PLCG2: variants seen among roughly 807,000 people sequenced by gnomAD.
PLCG2 encodes 1-phosphatidylinositol 4,5-bisphosphate phosphodiesterase gamma-2.
PLCG2 carries 69 observed loss-of-function variants against 175.6 expected under a neutral mutation model. The ratio of observed to expected loss-of-function variants is 0.39; its 90% CI spans 0.32 to 0.48. The LOEUF (loss-of-function observed/expected upper bound fraction) is 0.48, where lower values mean the gene tolerates loss of function less well. Ranked by LOEUF, PLCG2 falls within the 20% of genes least tolerant of loss-of-function variation. PLCG2 has a pLI of 0.91. For missense variants in PLCG2, 1,798 were observed against 1,650.9 expected (o/e 1.09, Z -1.54); for synonymous variants, 827 against 624.0 (o/e 1.33, Z -4.85).
In PLCG2 at chr16:81,937,837, G is replaced by A. The variant is rs369077109; in HGVS notation, c.3132G>A (p.Arg1044=). The change falls in exon 28 of 33, where the codon AGG becomes AGA. Residue 1044 remains arginine (R), a synonymous_variant. Coordinates refer to ENST00000564138, the MANE Select transcript of PLCG2 (RefSeq NM_002661.5). ...ACGTTCTGCAGCCTGAGAGCATGAGGACAGAGAAATATGACCCGATGCCAC... is the reference window on the plus strand; with the variant it reads ...ACGTTCTGCAGCCTGAGAGCATGAGAACAGAGAAATATGACCCGATGCCAC... ...TGYVLQPESM[R]TEKYDPMPPE... is the part of the protein sequence containing the mutation. 1.5e-5 allele frequency: 24 copies of A among 1,613,986 alleles called. No individual in the cohort carries two copies. The African/African-American group carries it at 2.7e-4, about 18-fold the overall frequency.
chr16:81,822,772 A>AAAAAAAG (rs1904860118), intron 2 of PLCG2, among the ~76,000 whole-genome samples: 1 of 151,054 alleles, frequency 6.6e-6, no homozygotes, highest in Admixed American at 6.6e-5. Context: ...AAAAAAAAAA[A>AAAAAAAG]AAAAAAAAAG....
At chr16:81,854,194 A>T (rs1157950695) in intron 2 of PLCG2, among the ~76,000 whole-genome samples, 1 of 152,214 alleles carries the variant, frequency 6.6e-6, no homozygotes, top group Non-Finnish European at 1.5e-5. Flanking sequence ...TCTGAGAAAC[A>T]GGGTGAGCGG....
chr16:81,743,929 G>A (rs1443427573), intron 1 of PLCG2, among the ~76,000 whole-genome samples: 1 of 151,782 alleles, frequency 6.6e-6, no homozygotes, highest in African/African-American at 2.4e-5. Flanking sequence ...TACGATCTTG[G>A]CTCACTGCAA....
At chr16:81,860,878 G>A (rs1399200668) in intron 5 of PLCG2, among the ~76,000 whole-genome samples, 1 of 152,108 alleles carries the variant, frequency 6.6e-6, no homozygotes, top group African/African-American at 2.4e-5. Flanking sequence ...TCAGGAGGCT[G>A]AGGCAGGAGA....
intron 1 of PLCG2, among the ~76,000 whole-genome samples, chr16:81,755,007 T>C (rs1242176852): frequency 6.6e-6 from 1 of 151,984 alleles, no homozygotes; most frequent in Non-Finnish European, 1.5e-5. Flanking sequence ...GCTTACCCTC[T>C]CTGAGCCCCC....
intron 5 of PLCG2, among the ~76,000 whole-genome samples, chr16:81,860,067 C>G (rs1023627015): frequency 1.3e-5 from 2 of 151,448 alleles, no homozygotes; most frequent in African/African-American, 4.9e-5. Flanking sequence ...AAGTCCTGGG[C>G]TCAAACGATC....
At chr16:81,943,028 TG>T (rs1228734846) in intron 30 of PLCG2, among the ~76,000 whole-genome samples, 37 of 152,246 alleles carry the variant, frequency 2.4e-4, no homozygotes, top group African/African-American at 8.9e-4. Context: ...GCAGAGCTCA[TG>T]TCTCCGATTT....
At chr16:81,919,992 C>G (rs933140111) in intron 20 of PLCG2, among the ~76,000 whole-genome samples, 9 of 152,104 alleles carry the variant, frequency 5.9e-5, no homozygotes, top group Non-Finnish European at 1.2e-4. Context: ...CTAGGAAGAT[C>G]TCACTGAAAA....
chr16:81,874,858 C>T (rs902844702), intron 7 of PLCG2, among the ~76,000 whole-genome samples: 3 of 151,186 alleles, frequency 2.0e-5, no homozygotes, highest in Non-Finnish European at 4.4e-5. Context: ...AGGGGATATA[C>T]CTCTAACTAG....
chr16:81,793,972 T>G (rs374361286), intron 2 of PLCG2, among the ~76,000 whole-genome samples: 1 of 152,248 alleles, frequency 6.6e-6, no homozygotes, highest in Admixed American at 6.5e-5. Flanking sequence ...GTATCAGATC[T>G]GTGTGTCATA....
At chr16:81,797,145 C>A (rs1229354946) in intron 2 of PLCG2, among the ~76,000 whole-genome samples, 1 of 152,152 alleles carries the variant, frequency 6.6e-6, no homozygotes, top group African/African-American at 2.4e-5. Flanking sequence ...GCATTTGTCC[C>A]TCAAAATAGC....
At chr16:81,943,993 A>G (rs951898425) in intron 30 of PLCG2, among the ~76,000 whole-genome samples, 1 of 152,226 alleles carries the variant, frequency 6.6e-6, no homozygotes, top group African/African-American at 2.4e-5. Flanking sequence ...AGAGAACAAA[A>G]GAGGACAAAT....
At chr16:81,801,838 G>A (rs192932852) in intron 2 of PLCG2, among the ~76,000 whole-genome samples, 32 of 151,938 alleles carry the variant, frequency 2.1e-4, no homozygotes, top group South Asian at 1.7e-3. Flanking sequence ...ACACCACCAC[G>A]CCTGGTTAAT....
intron 26 of PLCG2, chr16:81,935,628 C>T (rs1910675400): frequency 1.0e-6 from 1 of 985,236 alleles, no homozygotes; most frequent in Non-Finnish European, 1.2e-6. Context: ...ACTCAGCAGG[C>T]TCAGCATGTT....
chr16:81,848,646 T>C (rs1193378758), intron 2 of PLCG2, among the ~76,000 whole-genome samples: 1 of 152,148 alleles, frequency 6.6e-6, no homozygotes, highest in Non-Finnish European at 1.5e-5. Flanking sequence ...TCATCAGTAA[T>C]TTGATCCCTC....
chr16:81,940,821 C>G (rs532059365), intron 30 of PLCG2, among the ~76,000 whole-genome samples: 2 of 152,278 alleles, frequency 1.3e-5, no homozygotes, highest in African/African-American at 4.8e-5. Context: ...TATAGTTTCT[C>G]TAGTTTACTT....
At chr16:81,908,381 G>C (rs747193940) in intron 16 of PLCG2, 35 bp from the exon 17 acceptor site, 15 of 1,595,668 alleles carry the variant, frequency 9.4e-6, no homozygotes, top group Non-Finnish European at 1.7e-6. Context: ...TTTGGTCCAA[G>C]GCTTTCAGAA....
chr16:81,927,163 G>A lies in PLCG2; in HGVS notation c.2499G>A (p.Glu833=), dbSNP rs1910308961. ...AGGACATCTCAACTGCAGACTTCGAGGAGCTAGAAAAGCAGGTGAGTCCCC... is the reference window on the plus strand; with the variant it reads ...AGGACATCTCAACTGCAGACTTCGAAGAGCTAGAAAAGCAGGTGAGTCCCC... ...YVEDISTADF[E]ELEKQIIEDN... Residue 833 remains glutamate, a synonymous_variant, in exon 23 of 33, where the codon GAG becomes GAA. Transcript: ENST00000564138. The A allele has an allele frequency of 1.2e-6, 2 of 1,611,942 alleles. No individual in the cohort carries two copies. The highest frequency in any genetic ancestry group is 1.7e-6 in the Non-Finnish European group (2 of 1,178,012).
In PLCG2 at chr16:81,893,737, G is replaced by C; in HGVS notation, c.1015G>C (p.Glu339Gln). 6.2e-7 allele frequency: 1 copy of C among 1,612,330 alleles called. No homozygotes were observed. The highest frequency in any genetic ancestry group is 8.5e-7 in the Non-Finnish European group (1 of 1,179,308). ...CCTTACAGGTGACCAGCTGCGGAGCGAGTCGTCCCCAGAAGCTTACATCCG... is the reference window on the plus strand; with the variant it reads ...CCTTACAGGTGACCAGCTGCGGAGCCAGTCGTCCCCAGAAGCTTACATCCG... ...TYLTGDQLRS[E>Q]SSPEAYIRCL... Residue 339 changes from glutamate to glutamine, a missense_variant, in exon 12 of 33, where the codon GAG becomes CAG. Coordinates refer to ENST00000564138, the MANE Select transcript of PLCG2 (RefSeq NM_002661.5).
Sources: allele counts gnomAD v4.1 joint callset (sites outside exome capture counted in the v4.1 genomes callset), GRCh38; gene constraint gnomAD v4.1.1; transcripts MANE v1.5; gene names NCBI Gene and HGNC (gene_info 2026-07-23, HGNC 2026-07-21).